Variants in CNKSR2 observed in about 807,000 individuals in gnomAD.
The protein encoded by CNKSR2 is CNK homolog protein 2.
A neutral mutation model predicts 84.4 loss-of-function variants in CNKSR2; 14 were observed. That is an observed-to-expected ratio of 0.17 (90% confidence interval 0.11 to 0.26). CNKSR2 has a LOEUF of 0.26. Among genes scored for constraint, CNKSR2 ranks in the 10% least tolerant of loss-of-function variants. The probability of loss-of-function intolerance (pLI) is 1.00; values close to 1 mark genes in which losing one functional copy is unlikely to be tolerated. For synonymous variants in CNKSR2, 275 were observed against 277.9 expected (o/e 0.99, Z 0.10); for missense variants, 485 against 771.2 (o/e 0.63, Z 4.40).
chrX:21,611,505 C>G (rs1029683081), intron 20 of CNKSR2, among the ~76,000 whole-genome samples: 1 of 112,296 alleles, frequency 8.9e-6, no homozygotes, highest in Non-Finnish European at 1.9e-5. Flanking sequence ...GCAAGCGTGT[C>G]CTAAGACATG....
chrX:21,474,474 G>C (rs2091239523), intron 5 of CNKSR2, among the ~76,000 whole-genome samples: 2 of 112,029 alleles, frequency 1.8e-5, no homozygotes, highest in East Asian at 2.8e-4. Context: ...CAACCTGCCT[G>C]ACAAAAACTG....
rs189978815 is a variant in CNKSR2 at position 21,490,354 on chromosome X, C to A, written c.562-105C>A. 1,235 of 806,682 alleles carry A rather than the reference C, an allele frequency of 1.5e-3. 2 individuals carry two copies. The highest frequency in any genetic ancestry group is 2.0e-3 in the Non-Finnish European group (1,124 of 575,957). The allele number at this position is 806,682 out of a possible 1,213,427, so 66.5% of individuals were successfully genotyped here. Reference sequence around the variant, plus strand: ...TACAGAATAAAATGCCAGTTACTTTCTTCTACTGTTTATTTTTCCTTATGA... The same window carrying A: ...TACAGAATAAAATGCCAGTTACTTTATTCTACTGTTTATTTTTCCTTATGA... On this transcript the variant is annotated intron_variant, in intron 5 of 21. Coordinates refer to ENST00000379510, the MANE Select transcript of CNKSR2 (RefSeq NM_014927.5).
Position 21,653,292 on chromosome X carries a change from C to T in CNKSR2, c.*771C>T, listed in dbSNP as rs1050970341. The stretch of plus-strand genomic sequence containing the variant: ...GTAGTGATGAGATGCTGATTGTGTA[C>T]AGAAGAATTTGAGAGGGGATTTTTA... On this transcript the variant is annotated 3_prime_UTR_variant, in exon 22 of 22. Coordinates refer to ENST00000379510, the MANE Select transcript of CNKSR2 (RefSeq NM_014927.5). The T allele has an allele frequency of 9.1e-5, 10 of 110,439 alleles. No homozygotes were observed. Among genetic ancestry groups the T allele is most frequent in the Admixed American group, 4.9e-4 (5 of 10,292 alleles). 9.1% of individuals were successfully genotyped at this position (110,439 alleles called of 1,213,427 possible). A position where few individuals can be genotyped will look rare whatever the true frequency, so the allele number is the denominator to read the frequency against.
chrX:21,611,730 C>T (rs772855445), intron 20 of CNKSR2, among the ~76,000 whole-genome samples: 3 of 111,456 alleles, frequency 2.7e-5, no homozygotes, highest in Non-Finnish European at 3.8e-5. Context: ...CAGTGCTTTC[C>T]ATCTTTTTCA....
intron 1 of CNKSR2, chrX:21,425,026 C>T (rs191520222): frequency 8.9e-6 from 1 of 111,900 alleles, no homozygotes; most frequent in East Asian, 2.8e-4. Context: ...CTCCTTCCCT[C>T]CTTTTTCAAT....
chrX:21,441,089 C>A, intron 4 of CNKSR2: 1 of 141,576 alleles, frequency 7.1e-6, no homozygotes, highest in Non-Finnish European at 1.4e-5. Context: ...GCCAGGGATC[C>A]CCAAACCAGA....
chrX:21,581,648 C>T (rs993339114), intron 13 of CNKSR2, among the ~76,000 whole-genome samples: 3 of 111,550 alleles, frequency 2.7e-5, no homozygotes, highest in African/African-American at 6.5e-5. Context: ...GGACAGGATG[C>T]GCTGACAGAT....
intron 7 of CNKSR2, among the ~76,000 whole-genome samples, 159 bp downstream of exon 7, chrX:21,498,005 G>T (rs1240966936): frequency 1.8e-5 from 2 of 111,208 alleles, no homozygotes; most frequent in Non-Finnish European, 1.9e-5. Flanking sequence ...CATTCATTCT[G>T]TTCAAATTTC....
At chrX:21,421,633 GA>G (rs1433401617) in intron 1 of CNKSR2, among the ~76,000 whole-genome samples, 3 of 111,425 alleles carry the variant, frequency 2.7e-5, no homozygotes, top group East Asian at 5.6e-4. Context: ...TATGTAGCCT[GA>G]AGTGGAATTG....
At chrX:21,519,619 T>C (rs1390035982) in intron 9 of CNKSR2, among the ~76,000 whole-genome samples, 2 of 111,050 alleles carry the variant, frequency 1.8e-5, no homozygotes, top group African/African-American at 6.5e-5. Flanking sequence ...CTTGAAAAAA[T>C]GGAAATGAGG....
Position 21,583,515 on chromosome X carries a change from T to G in CNKSR2, c.1609-7057T>G, listed in dbSNP as rs766880603. 8.8e-4 allele frequency among the ~76,000 whole-genome samples: 98 copies of G among 111,957 alleles called. 1 individual carries two copies. Among genetic ancestry groups the G allele is most frequent in the African/African-American group, 2.9e-3 (88 of 30,864 alleles). On this transcript the variant is annotated intron_variant, in intron 13 of 21. Transcript: ENST00000379510. ...GGAAGCAGCTATCATCTAAAGTGTT[T>G]CAAATTGTTAAGCACCTTCTTTTCT...
intron 13 of CNKSR2, among the ~76,000 whole-genome samples, chrX:21,582,190 ACTC>A (rs1193366287): frequency 3.6e-5 from 4 of 111,861 alleles, no homozygotes; most frequent in Non-Finnish European, 7.5e-5. Context: ...TTGCCCAGAA[ACTC>A]CTGTAAATCT....
intron 1 of CNKSR2, among the ~76,000 whole-genome samples, chrX:21,396,470 AG>A (rs1569144744): frequency 9.0e-6 from 1 of 111,014 alleles, no homozygotes; most frequent in Admixed American, 9.6e-5. Context: ...ACAACCTTTA[AG>A]TTCTTAGTGA....
intron 1 of CNKSR2, among the ~76,000 whole-genome samples, chrX:21,417,380 G>A (rs1018588950): frequency 2.7e-5 from 3 of 111,714 alleles, no homozygotes; most frequent in Non-Finnish European, 3.8e-5. Context: ...AAAAGAATGC[G>A]TATTCTGCAG....
intron 9 of CNKSR2, among the ~76,000 whole-genome samples, chrX:21,526,161 T>C (rs1399112011): frequency 9.0e-6 from 1 of 110,906 alleles, no homozygotes; most frequent in African/African-American, 3.3e-5. Flanking sequence ...GATCTATATA[T>C]GCAACTAAAG....
chrX:21,612,947 T>C (rs1237864526), intron 20 of CNKSR2, among the ~76,000 whole-genome samples: 2 of 112,284 alleles, frequency 1.8e-5, no homozygotes, highest in Non-Finnish European at 3.8e-5. Context: ...TAGTCTGAAA[T>C]GGATGGTACT....
intron 1 of CNKSR2, among the ~76,000 whole-genome samples, chrX:21,406,561 T>G (rs1403347690): frequency 2.7e-5 from 3 of 111,783 alleles, no homozygotes; most frequent in African/African-American, 9.8e-5. Context: ...CTCCATTATT[T>G]AGAAATTTTC....
intron 1 of CNKSR2, among the ~76,000 whole-genome samples, chrX:21,396,000 A>T (rs752903909): frequency 1.8e-5 from 2 of 111,516 alleles, no homozygotes; most frequent in Non-Finnish European, 3.8e-5. Context: ...AATTCCTAAG[A>T]CATTAGGTTA....
rs1230439798 is a variant in CNKSR2 at position 21,649,094 on chromosome X, C to T, written c.2889+67C>T. 6 of 825,085 alleles carry T rather than the reference C, an allele frequency of 7.3e-6. No individual in the cohort carries two copies. The East Asian group carries it at 1.9e-4, about 27-fold the overall frequency. The allele number at this position is 825,085 out of a possible 1,213,427, so 68.0% of individuals were successfully genotyped here. A position where few individuals can be genotyped will look rare whatever the true frequency, so the allele number is the denominator to read the frequency against. On this transcript the variant is annotated intron_variant, in intron 21 of 21. Coordinates refer to ENST00000379510, the MANE Select transcript of CNKSR2 (RefSeq NM_014927.5). ...CATTCTTAAAGTGGATTACCAGATA[C>T]TGTAGGTTAAGAAATACAAATTGGG...
Sources: gnomAD v4.1 joint callset for allele counts (sites outside exome capture counted in the v4.1 genomes callset) on GRCh38, gnomAD v4.1.1 for gene constraint, MANE v1.5 for transcripts, NCBI Gene and HGNC (gene_info 2026-07-23, HGNC 2026-07-21) for gene names.